Variants in EEA1 observed in about 807,000 individuals in gnomAD.
EEA1 encodes the protein early endosome antigen 1, 162kD.
A neutral mutation model predicts 209.2 loss-of-function variants in EEA1; 111 were observed. The ratio of observed to expected loss-of-function variants is 0.53; its 90% CI spans 0.45 to 0.62. The LOEUF (loss-of-function observed/expected upper bound fraction) is 0.62, where lower values mean the gene tolerates loss of function less well. Among genes scored for constraint, EEA1 ranks in the 20% least tolerant of loss-of-function variants. The pLI, the probability that EEA1 is intolerant of heterozygous loss-of-function variation, is 0.00. For missense variants in EEA1, 1,343 were observed against 1,530.8 expected (o/e 0.88, Z 2.05); for synonymous variants, 536 against 540.6 (o/e 0.99, Z 0.12).
At chr12:92,835,328 C>A in intron 10 of EEA1, 1 of 273,030 alleles carries the variant, frequency 3.7e-6, no homozygotes, top group Non-Finnish European at 7.3e-6. Flanking sequence ...GAGTCTTCTT[C>A]CCCACAGACT....
intron 21 of EEA1, among the ~76,000 whole-genome samples, chr12:92,793,438 G>A (rs1350492042): frequency 6.6e-6 from 1 of 152,144 alleles, no homozygotes; most frequent in Non-Finnish European, 1.5e-5. Context: ...CAAAGTCTCA[G>A]GATACAAAAT....
At chr12:92,892,697 C>G (rs915962638) in intron 1 of EEA1, among the ~76,000 whole-genome samples, 2 of 152,162 alleles carry the variant, frequency 1.3e-5, no homozygotes, top group African/African-American at 2.4e-5. Flanking sequence ...GCCTCAGACT[C>G]CTGAGTAGCT....
intron 18 of EEA1, among the ~76,000 whole-genome samples, chr12:92,803,657 T>G (rs1875046136): frequency 6.6e-6 from 1 of 152,092 alleles, no homozygotes; most frequent in Non-Finnish European, 1.5e-5. Context: ...AAAACTGTAT[T>G]TATACCTCGA....
intron 22 of EEA1, among the ~76,000 whole-genome samples, chr12:92,782,572 A>G (rs1431992469): frequency 6.6e-6 from 1 of 152,246 alleles, no homozygotes; most frequent in Non-Finnish European, 1.5e-5. Flanking sequence ...TTCATTATGC[A>G]TACATATACA....
At chr12:92,799,876 T>C (rs772066378) in intron 20 of EEA1, among the ~76,000 whole-genome samples, 1 of 152,158 alleles carries the variant, frequency 6.6e-6, no homozygotes, top group Non-Finnish European at 1.5e-5. Context: ...ATAGTAACTA[T>C]GATAAAAACA....
At chr12:92,895,975 CTTTTTTTTTTTT>C (rs910254277) in intron 1 of EEA1, among the ~76,000 whole-genome samples, 1 of 143,296 alleles carries the variant, frequency 7.0e-6, no homozygotes, top group African/African-American at 2.5e-5. Context: ...TGATAATTTT[CTTTTTTTTTTTT>C]TTCTTGAGAC....
chr12:92,879,463 C>T (rs971872050), intron 2 of EEA1: 6 of 335,300 alleles, frequency 1.8e-5, no homozygotes, highest in African/African-American at 9.1e-5. Context: ...TTCACAGTAA[C>T]GGAAAGAGAA....
intron 6 of EEA1, among the ~76,000 whole-genome samples, chr12:92,853,262 T>C (rs542786315): frequency 6.6e-6 from 1 of 152,338 alleles, no homozygotes; most frequent in East Asian, 1.9e-4. Context: ...AAATAATCTA[T>C]AAATATTTTA....
intron 11 of EEA1, among the ~76,000 whole-genome samples, chr12:92,828,567 A>T (rs1876432323): frequency 6.6e-6 from 1 of 150,766 alleles, no homozygotes; most frequent in South Asian, 2.1e-4. Context: ...TTCTAAATAA[A>T]ATACAGGAAA....
chr12:92,813,197 G>C lies in EEA1; in HGVS notation c.1930-104C>G, dbSNP rs11106709. Reference sequence around the variant, plus strand: ...ACTAAACAAACTATTTAAAAATTAAGTCCTTGGCAAAAACATATGGATTTA... The same window carrying C: ...ACTAAACAAACTATTTAAAAATTAACTCCTTGGCAAAAACATATGGATTTA... On this transcript the variant is annotated intron_variant, in intron 15 of 28. Transcript: ENST00000322349. 4.5e-4 allele frequency: 288 copies of C among 639,930 alleles called. No homozygotes were observed. The African/African-American group carries it at 4.9e-3, about 11-fold the overall frequency. 39.6% of individuals were successfully genotyped at this position (639,930 alleles called of 1,614,324 possible). A position where few individuals can be genotyped will look rare whatever the true frequency, so the allele number is the denominator to read the frequency against.
intron 1 of EEA1, among the ~76,000 whole-genome samples, chr12:92,898,726 TTTCCC>T (rs1880015641): frequency 1.4e-5 from 2 of 142,318 alleles, no homozygotes; most frequent in Admixed American, 7.1e-5. Context: ...TTTTCCTTTT[TTTCCC>T]TTTTTTTTTT....
intron 10 of EEA1, 101 bp downstream of exon 10, chr12:92,842,364 G>A: frequency 3.5e-6 from 2 of 575,890 alleles, no homozygotes; most frequent in South Asian, 2.5e-5. Context: ...AAAAAAATAA[G>A]TCACATTGTA....
intron 2 of EEA1, among the ~76,000 whole-genome samples, chr12:92,888,489 A>C (rs1017430295): frequency 1.3e-5 from 2 of 151,864 alleles, no homozygotes; most frequent in African/African-American, 4.8e-5. Flanking sequence ...AGGCAGGAGA[A>C]TGGCGTGAAC....
intron 2 of EEA1, among the ~76,000 whole-genome samples, chr12:92,871,611 A>C (rs2136731398): frequency 6.6e-6 from 1 of 152,378 alleles, no homozygotes; most frequent in Non-Finnish European, 1.5e-5. Flanking sequence ...AGAAATAACA[A>C]GAAAATAACT....
At chr12:92,849,452 T>C (rs1436031022) in intron 9 of EEA1, among the ~76,000 whole-genome samples, 1 of 152,218 alleles carries the variant, frequency 6.6e-6, no homozygotes, top group Non-Finnish European at 1.5e-5. Context: ...CTTATAGATT[T>C]ATCATTGTCT....
chr12:92,863,226 T>C (rs1002912026), intron 3 of EEA1, among the ~76,000 whole-genome samples: 3 of 152,230 alleles, frequency 2.0e-5, no homozygotes, highest in African/African-American at 2.4e-5. Context: ...AAGTTCTTCC[T>C]TTCCTATACT....
At chr12:92,845,111 T>C (rs1877335469) in intron 9 of EEA1, among the ~76,000 whole-genome samples, 1 of 152,120 alleles carries the variant, frequency 6.6e-6, no homozygotes, top group South Asian at 2.1e-4. Flanking sequence ...GGACATTAAG[T>C]GTATCATTTA....
At chr12:92,922,871 T>G (rs1040404472) in intron 1 of EEA1, among the ~76,000 whole-genome samples, 2 of 151,456 alleles carry the variant, frequency 1.3e-5, no homozygotes, top group East Asian at 3.9e-4. Context: ...GGCAGGAGAA[T>G]TGCTTGAACC....
At chr12:92,830,881 AG>A (rs1876595142) in intron 11 of EEA1, among the ~76,000 whole-genome samples, 1 of 152,210 alleles carries the variant, frequency 6.6e-6, no homozygotes, top group Non-Finnish European at 1.5e-5. Flanking sequence ...TCAATTTGTC[AG>A]GGGCAAGAAG....
Sources: allele counts gnomAD v4.1 joint callset (sites outside exome capture counted in the v4.1 genomes callset), GRCh38; gene constraint gnomAD v4.1.1; transcripts MANE v1.5; gene names NCBI Gene and HGNC (gene_info 2026-07-23, HGNC 2026-07-21).